The following GSTA4 variants were observed in gnomAD, a reference collection of about 807,000 sequenced individuals.
GSTA4 encodes glutathione S-transferase alpha 4, also known as glutathione S-transferase A4.
Under a neutral mutation model 24.4 loss-of-function variants are expected in GSTA4, and 15 were observed. The observed-to-expected ratio is 0.61, with a 90% CI of 0.41 to 0.95. The LOEUF (loss-of-function observed/expected upper bound fraction) is 0.95. GSTA4 is among the 40% of genes least tolerant of loss of function. The probability of loss-of-function intolerance (pLI) is 0.00; values close to 1 mark genes in which losing one functional copy is unlikely to be tolerated. For synonymous variants in GSTA4, 92 were observed against 94.2 expected (o/e 0.98, Z 0.13); for missense variants, 244 against 262.1 (o/e 0.93, Z 0.48).
intron 2 of GSTA4, among the ~76,000 whole-genome samples, chr6:52,992,550 C>T (rs549874397): frequency 3.3e-5 from 5 of 152,300 alleles, no homozygotes; most frequent in African/African-American, 7.2e-5. Context: ...CATGTTGATA[C>T]GTAACCCCTA....
chr6:52,978,581 C>T lies in GSTA4; in HGVS notation c.558G>A (p.Val186=), dbSNP rs969684214. ...SAFPFLQEYT[V]KLSNIPTIKR... is the part of the protein sequence containing the mutation. Reference sequence around the variant, plus strand: ...TAATTGTAGGGATATTACTTAGTTTCACTGTGTATTCCTGAAAAAGGAAAA... The same window carrying T: ...TAATTGTAGGGATATTACTTAGTTTTACTGTGTATTCCTGAAAAAGGAAAA... Residue 186 remains valine, a synonymous_variant, in exon 7 of 7, where the codon GTG becomes GTA. Coordinates refer to ENST00000370963, the MANE Select transcript of GSTA4 (RefSeq NM_001512.4). The T allele has an allele frequency of 6.2e-7, 1 of 1,608,588 alleles. No homozygotes were observed. Among genetic ancestry groups the T allele is most frequent in the Non-Finnish European group, 8.5e-7 (1 of 1,177,134 alleles).
chr6:52,992,920 G>C (rs1422792567), intron 2 of GSTA4, among the ~76,000 whole-genome samples: 1 of 152,154 alleles, frequency 6.6e-6, no homozygotes, highest in Non-Finnish European at 1.5e-5. Flanking sequence ...GGCCAACATG[G>C]AGAAACCCTG....
chr6:52,994,212 T>C lies in GSTA4; in HGVS notation c.32A>G (p.Asn11Ser), dbSNP rs765774946. ...CACGGACTCCATCCGGCCTCTTCCG[T>C]TGGGATAGTGGAGCTTGGGCCTTGC... MAARPKLHYP[N>S]GRGRMESVRW... The change falls in exon 2 of 7, where the codon AAC (asparagine) becomes AGC (serine). Residue 11 changes from asparagine (N) to serine (S), a missense_variant. Asn to Ser is a conservative substitution (Grantham distance 46). Coordinates refer to ENST00000370963, the MANE Select transcript of GSTA4 (RefSeq NM_001512.4). 3 of 1,613,680 alleles carry C rather than the reference T, an allele frequency of 1.9e-6. No individual in the cohort carries two copies. Among genetic ancestry groups the C allele is most frequent in the Non-Finnish European group, 1.7e-6 (2 of 1,179,564 alleles).
In GSTA4 at chr6:52,994,248, G is replaced by C; in HGVS notation, c.-5C>G. On this transcript the variant is annotated 5_prime_UTR_variant, in exon 2 of 7. Transcript: ENST00000370963. Reference sequence around the variant, plus strand: ...GAGCTTGGGCCTTGCTGCCATGATAGCTTTTCAGGCTTTCTGAAATACAAA... The same window carrying C: ...GAGCTTGGGCCTTGCTGCCATGATACCTTTTCAGGCTTTCTGAAATACAAA... 1 of 1,590,590 alleles carries C rather than the reference G, an allele frequency of 6.3e-7. No individual in the cohort carries two copies. Among genetic ancestry groups the C allele is most frequent in the East Asian group, 2.2e-5 (1 of 44,700 alleles).
intron 4 of GSTA4, among the ~76,000 whole-genome samples, chr6:52,984,833 C>T (rs570999822): frequency 1.3e-5 from 2 of 152,248 alleles, no homozygotes; most frequent in African/African-American, 2.4e-5. Context: ...CATGAGTGCT[C>T]TCTCTCCTGG....
intron 2 of GSTA4, among the ~76,000 whole-genome samples, chr6:52,992,295 A>G (rs1053333638): frequency 2.0e-5 from 3 of 152,248 alleles, no homozygotes; most frequent in Non-Finnish European, 1.5e-5. Flanking sequence ...ACTTAGGTCT[A>G]TAGTGACACA....
chr6:52,991,657 T>C (rs1224451310), intron 2 of GSTA4, among the ~76,000 whole-genome samples: 6 of 151,166 alleles, frequency 4.0e-5, no homozygotes, highest in Non-Finnish European at 8.8e-5. Flanking sequence ...GTAAACCAAA[T>C]CCAGAATAGG....
Position 52,978,328 on chromosome 6 carries a change from A to T in GSTA4, c.*142T>A. ...AAGGTTGATATTTCTAGAAGAGATGATCTCGTTGACACAAAAGACCCAACT... is the reference window on the plus strand; with the variant it reads ...AAGGTTGATATTTCTAGAAGAGATGTTCTCGTTGACACAAAAGACCCAACT... On this transcript the variant is annotated 3_prime_UTR_variant, in exon 7 of 7. Transcript: ENST00000370963. The T allele has an allele frequency of 1.3e-6, 1 of 768,468 alleles. No homozygotes were observed. Among genetic ancestry groups the T allele is most frequent in the South Asian group, 1.7e-5 (1 of 58,554 alleles). 47.6% of individuals were successfully genotyped at this position (768,468 alleles called of 1,614,324 possible). A position where few individuals can be genotyped will look rare whatever the true frequency, so the allele number is the denominator to read the frequency against.
chr6:52,989,270 T>C (rs1410450229), intron 2 of GSTA4, among the ~76,000 whole-genome samples: 2 of 152,218 alleles, frequency 1.3e-5, no homozygotes, highest in South Asian at 2.1e-4. Flanking sequence ...CCAGCAGCCC[T>C]TGGGACTGCT....
At chr6:52,986,543 T>G (rs979699209) in intron 3 of GSTA4, among the ~76,000 whole-genome samples, 1 of 152,212 alleles carries the variant, frequency 6.6e-6, no homozygotes, top group African/African-American at 2.4e-5. Context: ...ATTGTTTTAT[T>G]TAACAAACCT....
At chr6:52,986,461 T>C (rs1389858683) in intron 3 of GSTA4, among the ~76,000 whole-genome samples, 1 of 152,214 alleles carries the variant, frequency 6.6e-6, no homozygotes, top group Non-Finnish European at 1.5e-5. Context: ...ATGTATACTC[T>C]ATGGCTACTC....
At chr6:52,988,283 TA>T (rs5876296) in intron 2 of GSTA4, among the ~76,000 whole-genome samples, 135,109 of 146,834 alleles carry the variant, frequency 0.92, 62,119 homozygotes, top group South Asian at 0.98. Flanking sequence ...ATGATGATGC[TA>T]AAAAAAAAAA....
chr6:52,983,492 A>G (rs372967850), intron 5 of GSTA4, among the ~76,000 whole-genome samples: 1 of 152,228 alleles, frequency 6.6e-6, no homozygotes. Context: ...GCATAGTACA[A>G]TGCATCCTGA....
intron 6 of GSTA4, 76 bp downstream of exon 6, chr6:52,982,498 A>G: frequency 9.0e-7 from 1 of 1,111,814 alleles, no homozygotes; most frequent in Non-Finnish European, 1.3e-6. Context: ...ACACTCCCCA[A>G]AGCCAACCAA....
chr6:52,982,543 G>A lies in GSTA4; in HGVS notation c.546+31C>T, dbSNP rs368873667. ...ACTGAAGGAAGGCCCAAGAGTTCTA[G>A]GCCAATCTTCTAATACATAGTTTTA... On this transcript the variant is annotated intron_variant, in intron 6 of 6. Transcript: ENST00000370963. 5.7e-6 allele frequency: 9 copies of A among 1,577,102 alleles called. No individual in the cohort carries two copies. In the Admixed American group the frequency reaches 7.0e-5, roughly 12 times the overall value.
intron 6 of GSTA4, 28 bp downstream of exon 6, chr6:52,982,546 C>A (rs1209533074): frequency 6.3e-7 from 1 of 1,584,754 alleles, no homozygotes; most frequent in South Asian, 1.1e-5. Context: ...AGTTCTAGGC[C>A]AATCTTCTAA....
chr6:52,994,654 C>T (rs1446049620), intron 1 of GSTA4, among the ~76,000 whole-genome samples: 3 of 152,182 alleles, frequency 2.0e-5, no homozygotes, highest in Non-Finnish European at 4.4e-5. Flanking sequence ...AGGAAAATCG[C>T]ACAGCCACTG....
chr6:52,992,187 TA>T (rs942328621), intron 2 of GSTA4, among the ~76,000 whole-genome samples: 17 of 151,946 alleles, frequency 1.1e-4, no homozygotes, highest in Non-Finnish European at 2.2e-4. Flanking sequence ...CAATCTGAAA[TA>T]AAAAAAGGTA....
At chr6:52,988,415 C>T (rs1763603875) in intron 2 of GSTA4, among the ~76,000 whole-genome samples, 1 of 152,090 alleles carries the variant, frequency 6.6e-6, no homozygotes, top group South Asian at 2.1e-4. Flanking sequence ...CTCTGTCTAA[C>T]CAAACAATCA....
Sources: gnomAD v4.1 joint callset for allele counts (sites outside exome capture counted in the v4.1 genomes callset) on GRCh38, gnomAD v4.1.1 for gene constraint, MANE v1.5 for transcripts, NCBI Gene and HGNC (gene_info 2026-07-23, HGNC 2026-07-21) for gene names.